The following NEB variants were observed in gnomAD, a reference collection of about 807,000 sequenced individuals.
NEB encodes the protein nemaline myopathy type 2.
A neutral mutation model predicts 952.2 loss-of-function variants in NEB; 512 were observed. The ratio of observed to expected loss-of-function variants is 0.54; its 90% confidence interval spans 0.50 to 0.58. NEB has a LOEUF of 0.58. Among genes scored for constraint, NEB ranks in the 20% least tolerant of loss-of-function variants. The pLI, the probability that NEB is intolerant of heterozygous loss-of-function variation, is 0.00. For missense variants in NEB, 8,428 were observed against 9,231.1 expected (o/e 0.91, Z 3.56); for synonymous variants, 2,900 against 3,149.8 (o/e 0.92, Z 2.66).
At chr2:151,492,598 G>A in intron 176 of NEB, 104 bp from the exon 177 acceptor site, 1 of 766,636 alleles carries the variant, frequency 1.3e-6, no homozygotes, top group South Asian at 2.3e-5. Context: ...GGACGCTTGG[G>A]TCAACTGAAG....
chr2:151,490,006 C>T lies in NEB; in HGVS notation c.25369G>A (p.Val8457Ile), dbSNP rs1434539229. The T allele has an allele frequency of 6.2e-7, 1 of 1,612,260 alleles. No individual in the cohort carries two copies. Among genetic ancestry groups the T allele is most frequent in the Non-Finnish European group, 8.5e-7 (1 of 1,178,554 alleles). Residue 8457 changes from valine (V) to isoleucine (I), a missense_variant, in exon 181 of 182, where the codon GTA (valine) becomes ATA (isoleucine). This residue lies in a region of NEB where 3,374 missense variants were observed against 3,651.5 expected (regional missense o/e 0.92). Coordinates refer to ENST00000397345, the MANE Select transcript of NEB (RefSeq NM_001164508.2). ...GATGGATGAGATGGGATGGAAGATA[C>T]CGTTGTCTGTTGGGTAGCAACTGAA... ...SSSVATQQTT[V>I]SSIPSHPSTA...
Position 151,617,408 on chromosome 2 carries a change from G to A in NEB, c.11137C>T (p.Pro3713Ser), listed in dbSNP as rs758123478. The change falls in exon 75 of 182, where the codon CCA becomes TCA. Residue 3713 changes from proline (P) to serine (S), a missense_variant. Around this residue, in one of 11 missense-constraint regions of NEB, gnomAD observed 1,772 missense variants for 1,960.3 expected, o/e 0.90. Transcript: ENST00000397345. ...TTGAGTTTGGCTAACATGATTTCTG[G>A]TGTATCAGGCATGACATGAATAGTT... ...KKTIHVMPDT[P>S]EIMLAKLNRI... is the part of the protein sequence containing the mutation. 1.3e-6 allele frequency: 2 copies of A among 1,569,832 alleles called. No individual in the cohort carries two copies. Among genetic ancestry groups the A allele is most frequent in the African/African-American group, 2.7e-5 (2 of 73,794 alleles).
rs761015626 is a variant in NEB, at chr2:151,554,010, C to T, written c.19444G>A (p.Val6482Ile). 6.2e-7 allele frequency: 1 copy of T among 1,613,800 alleles called. No homozygotes were observed. The highest frequency in any genetic ancestry group is 1.7e-5 in the Admixed American group (1 of 60,020). ...ATTTTCATCTTGTTCTTTTCATAAA[C>T]TGATCTGTACAGGCGCTGTAAAGTT... ...KLNIDRLYRS[V>I]YEKNKMKIHI... Residue 6482 changes from valine (V) to isoleucine (I), a missense_variant, in exon 126 of 182, where the codon GTT becomes ATT. Physicochemically the swap from Val to Ile is conservative, Grantham distance 29. Transcript: ENST00000397345.
chr2:151,546,081 C>T (rs2094639764), intron 134 of NEB, 83 bp from the exon 135 acceptor site: 1 of 959,120 alleles, frequency 1.0e-6, no homozygotes, highest in Non-Finnish European at 1.6e-6. Flanking sequence ...AAATGTCTGG[C>T]ATGTGTAAGC....
At chr2:151,568,263 A>T (rs1265203971) in intron 112 of NEB, 53 bp downstream of exon 112, 23 of 1,595,190 alleles carry the variant, frequency 1.4e-5, no homozygotes, top group Non-Finnish European at 2.0e-5. Flanking sequence ...CTACAGTTCC[A>T]TTAAGGCCCT....
chr2:151,623,319 AC>A (rs1179705913), intron 71 of NEB, among the ~76,000 whole-genome samples: 1 of 152,210 alleles, frequency 6.6e-6, no homozygotes, highest in South Asian at 2.1e-4. Context: ...GGGAAAAACT[AC>A]AAAGATTTAC....
At position 151,505,492 on chromosome 2, in the gene NEB, T is replaced by G; in HGVS notation, c.23728A>C (p.Lys7910Gln). 6.2e-7 allele frequency: 1 copy of G among 1,613,704 alleles called. No individual in the cohort carries two copies. Among genetic ancestry groups the G allele is most frequent in the Non-Finnish European group, 8.5e-7 (1 of 1,179,676 alleles). The change falls in exon 165 of 182, where the codon AAG becomes CAG. Residue 7910 changes from lysine to glutamine, a missense_variant. This residue lies in a region of NEB where 3,374 missense variants were observed against 3,651.5 expected (regional missense o/e 0.92). Coordinates refer to ENST00000397345, the MANE Select transcript of NEB (RefSeq NM_001164508.2). ...ATGGCCACTACCGAGCTAATGTGCT[T>G]CTGCGTCTCCTTCACACGTTTCACT... ...PEVKRVKETQ[K>Q]HISSVMYKEN...
chr2:151,724,998 C>A, intron 6 of NEB, 37 bp from the exon 7 acceptor site: 1 of 1,488,828 alleles, frequency 6.7e-7, no homozygotes, highest in Non-Finnish European at 9.4e-7. Context: ...TCATGACAGG[C>A]ATGTACATGT....
chr2:151,560,531 G>A, intron 124 of NEB, 61 bp downstream of exon 124: 1 of 1,269,906 alleles, frequency 7.9e-7, no homozygotes, highest in Non-Finnish European at 1.1e-6. Context: ...AAGATTCTTG[G>A]AGTGGAGAGC....
rs1559762030 is a variant in NEB at position 151,546,010 on chromosome 2, A to AC, written c.20467-13_20467-12insG. The stretch of plus-strand genomic sequence containing the variant: ...TATAGGTAATTAGACTTAAAAAAAA[A>AC]AAAAAAAACAGAAATACAAGTTGAT... On this transcript the variant is annotated splice_polypyrimidine_tract_variant and intron_variant, in intron 134 of 181. Transcript: ENST00000397345. 1 of 1,434,236 alleles carries AC rather than the reference A, an allele frequency of 7.0e-7. No individual in the cohort carries two copies. 88.8% of individuals were successfully genotyped at this position (1,434,236 alleles called of 1,614,324 possible). A position where few individuals can be genotyped will look rare whatever the true frequency, so the allele number is the denominator to read the frequency against.
At chr2:151,677,422 A>G (rs2099374602) in intron 34 of NEB, 143 bp downstream of exon 34, 2 of 615,902 alleles carry the variant, frequency 3.2e-6, no homozygotes, top group Non-Finnish European at 2.5e-6. Context: ...ACTACACATA[A>G]CTGTAATTTT....
rs571487406 is a variant in NEB at position 151,709,557 on chromosome 2, C to T, written c.1035+99G>A. ...CAGCCCTGGTAGTTCCCCCAAGAAC[C>T]ACTCCTCCCCTTTTTTACTAATTAT... On this transcript the variant is annotated intron_variant, in intron 12 of 181. Transcript: ENST00000397345. The T allele has an allele frequency of 3.5e-5, 30 of 865,504 alleles. No individual in the cohort carries two copies. In the East Asian group the frequency reaches 4.6e-4, roughly 13 times the overall value. 53.6% of individuals were successfully genotyped at this position (865,504 alleles called of 1,614,324 possible). A position where few individuals can be genotyped will look rare whatever the true frequency, so the allele number is the denominator to read the frequency against.
intron 64 of NEB, 70 bp downstream of exon 64, chr2:151,636,157 T>C: frequency 7.5e-7 from 1 of 1,325,328 alleles, no homozygotes; most frequent in South Asian, 1.3e-5. Context: ...AAAGTTCTTT[T>C]CTAAGATTTA....
chr2:151,513,237 G>T (rs2075743987), intron 160 of NEB, among the ~76,000 whole-genome samples: 1 of 152,180 alleles, frequency 6.6e-6, no homozygotes. Context: ...GAACTCCCAA[G>T]ATATTCTAAG....
rs370185522 is a variant in NEB, at chr2:151,551,756, T to C, written c.19926A>G (p.Ala6642=). The C allele has an allele frequency of 1.9e-5, 30 of 1,613,434 alleles. No homozygotes were observed. Among genetic ancestry groups the C allele is most frequent in the Non-Finnish European group, 2.4e-5 (28 of 1,179,638 alleles). Residue 6642 remains alanine (A), a synonymous_variant, in exon 129 of 182, where the codon GCA becomes GCG. Coordinates refer to ENST00000397345, the MANE Select transcript of NEB (RefSeq NM_001164508.2). ...KTVDLDRALH[A]YKLQSSNLYK... ...TGCTCACCGAACTCTGGAGCTTGTA[T>C]GCATGAAGGGCCCGGTCCAGATCCA...
chr2:151,560,935 T>G, intron 123 of NEB, 69 bp downstream of exon 123: 2 of 971,182 alleles, frequency 2.1e-6, no homozygotes, highest in South Asian at 3.3e-5. Context: ...TCCATCCCAT[T>G]TATTCTCTTA....
chr2:151,621,795 C>G (rs2098421943), intron 71 of NEB, among the ~76,000 whole-genome samples: 1 of 152,100 alleles, frequency 6.6e-6, no homozygotes, highest in African/African-American at 2.4e-5. Flanking sequence ...ATTCTGTATC[C>G]TCTTAACGAA....
intron 76 of NEB, 93 bp downstream of exon 76, chr2:151,615,909 G>A: frequency 1.1e-6 from 1 of 916,394 alleles, no homozygotes; most frequent in South Asian, 1.6e-5. Context: ...GAGACTTATA[G>A]GGGTAACTAA....
chr2:151,563,648 A>G lies in NEB; in HGVS notation c.18651T>C (p.Pro6217=), dbSNP rs1214418116. 2 of 1,613,766 alleles carry G rather than the reference A, an allele frequency of 1.2e-6. No homozygotes were observed. Among genetic ancestry groups the G allele is most frequent in the African/African-American group, 1.3e-5 (1 of 74,910 alleles). ...YLAGKVIGEF[P]GVVHCLDFQK... is the part of the protein sequence containing the mutation. ...GGAAATCCAGACAGTGAACCACACC[A>G]GGGAATTCACCGATCACTTTTCCAG... Residue 6217 remains proline, a synonymous_variant, in exon 119 of 182, where the codon CCT becomes CCC. Transcript: ENST00000397345.
Sources: allele counts gnomAD v4.1 joint callset (sites outside exome capture counted in the v4.1 genomes callset), GRCh38; gene constraint gnomAD v4.1.1; regional missense constraint gnomAD v4.1.1; transcripts MANE v1.5; gene names NCBI Gene and HGNC (gene_info 2026-07-23, HGNC 2026-07-21).